WIPF3: variants seen among roughly 807,000 people sequenced by gnomAD.
WIPF3 encodes the protein WAS/WASL interacting protein family member 3.
A neutral mutation model predicts 38.9 loss-of-function variants in WIPF3; 33 were observed. That is an observed-to-expected ratio of 0.85 (90% CI 0.64 to 1.14). The LOEUF is 1.14. WIPF3 is among the 50% of genes most tolerant of loss of function. WIPF3 has a pLI of 0.00. For missense variants in WIPF3, 711 were observed against 652.5 expected, an observed-to-expected ratio of 1.09 and a Z score of -0.98; for synonymous variants, 324 against 269.3, an observed-to-expected ratio of 1.20 and a Z score of -1.99.
At chr7:29,857,903 T>A (rs1223631839) in intron 2 of WIPF3, among the ~76,000 whole-genome samples, 1 of 152,290 alleles carries the variant, frequency 6.6e-6, no homozygotes, top group East Asian at 1.9e-4. Flanking sequence ...ACATTCTGTA[T>A]TTTTTAAAGA....
At chr7:29,896,760 A>C (rs1011144378) in intron 7 of WIPF3, among the ~76,000 whole-genome samples, 1 of 152,270 alleles carries the variant, frequency 6.6e-6, no homozygotes, top group Non-Finnish European at 1.5e-5. Context: ...AACAATAAAA[A>C]GAAAGTGAAC....
At chr7:29,888,830 C>G (rs1327222603) in intron 6 of WIPF3, among the ~76,000 whole-genome samples, 2 of 152,134 alleles carry the variant, frequency 1.3e-5, no homozygotes, top group Non-Finnish European at 2.9e-5. Flanking sequence ...TTGTGGAGCT[C>G]AGGTCCCACC....
intron 5 of WIPF3, 64 bp downstream of exon 5, chr7:29,884,657 G>A: frequency 6.6e-7 from 1 of 1,509,664 alleles, no homozygotes; most frequent in East Asian, 2.4e-5. Flanking sequence ...CGTTGCACAG[G>A]ACTTTATTGT....
chr7:29,807,025 G>C (rs1260747933), intron 1 of WIPF3, among the ~76,000 whole-genome samples: 1 of 151,798 alleles, frequency 6.6e-6, no homozygotes, highest in African/African-American at 2.4e-5. Context: ...CCCTGGCACC[G>C]AGGCCGCCTC....
chr7:29,906,517 A>G (rs1786400487), intron 8 of WIPF3, among the ~76,000 whole-genome samples: 1 of 152,176 alleles, frequency 6.6e-6, no homozygotes, highest in Non-Finnish European at 1.5e-5. Context: ...TTAAAAGTGA[A>G]CAAAGCCTAA....
At chr7:29,814,087 AT>A (rs1442224695) in intron 1 of WIPF3, among the ~76,000 whole-genome samples, 1 of 151,970 alleles carries the variant, frequency 6.6e-6, no homozygotes, top group Non-Finnish European at 1.5e-5. Flanking sequence ...CACCCAGCTA[AT>A]TTTTGTATTT....
chr7:29,883,967 C>A lies in WIPF3; in HGVS notation c.473C>A (p.Ala158Glu), dbSNP rs943086410. 6.5e-7 allele frequency: 1 copy of A among 1,547,236 alleles called. No individual in the cohort carries two copies. Among genetic ancestry groups the A allele is most frequent in the Non-Finnish European group, 8.7e-7 (1 of 1,145,196 alleles). The change falls in exon 5 of 9, where the codon GCG becomes GAG. Residue 158 changes from alanine (A) to glutamate (E), a missense_variant. Ala to Glu is a moderately radical substitution (Grantham distance 107). Transcript: ENST00000242140. ...CCCAGGCTAGGCAATACCTCCGAGG[C>A]GCATGGCGCTGCCAGGACAGCCCCG... ...ASPRLGNTSE[A>E]HGAARTAPPR... is the part of the protein sequence containing the mutation.
chr7:29,844,964 C>T lies in WIPF3; in HGVS notation c.90+10150C>T, dbSNP rs1000767595. Among the ~76,000 whole-genome samples, 1 of 151,982 alleles carries T rather than the reference C, an allele frequency of 6.6e-6. No homozygotes were observed. The highest frequency in any genetic ancestry group is 2.4e-5 in the African/African-American group (1 of 41,382). On this transcript the variant is annotated intron_variant, in intron 2 of 8. Coordinates refer to ENST00000242140, the MANE Select transcript of WIPF3 (RefSeq NM_001080529.3). The surrounding 1 kb of genome is among the most constrained non-coding windows in gnomAD (Gnocchi z 4.8). ...AGCCAGGAAGTCAATGGATTCGGCTCCCCATACCTTGGCCAGAGCTTCCAC... is the reference window on the plus strand; with the variant it reads ...AGCCAGGAAGTCAATGGATTCGGCTTCCCATACCTTGGCCAGAGCTTCCAC...
Position 29,915,432 on chromosome 7 carries a change from AAT to A in WIPF3, c.*919_*920del, listed in dbSNP as rs1786595630. On this transcript the variant is annotated 3_prime_UTR_variant, in exon 9 of 9. Coordinates refer to ENST00000242140, the MANE Select transcript of WIPF3 (RefSeq NM_001080529.3). The stretch of plus-strand genomic sequence containing the variant: ...GCTTCGAGTGTGGACTTCCATGGAA[AAT>A]ATGACATGAAAAAGTGTAGAACGAA... 1 of 152,224 alleles carries A rather than the reference AAT, an allele frequency of 6.6e-6. No individual in the cohort carries two copies. The highest frequency in any genetic ancestry group is 2.4e-5 in the African/African-American group (1 of 41,458). The allele number at this position is 152,224 out of a possible 1,614,324, so 9.4% of individuals were successfully genotyped here.
intron 2 of WIPF3, among the ~76,000 whole-genome samples, chr7:29,848,555 C>T (rs1345006163): frequency 6.6e-6 from 1 of 152,190 alleles, no homozygotes; most frequent in Non-Finnish European, 1.5e-5. Flanking sequence ...GTTGGTCTTT[C>T]TCTACCTGAG....
intron 2 of WIPF3, among the ~76,000 whole-genome samples, chr7:29,872,423 A>T (rs1785510912): frequency 1.3e-5 from 2 of 152,158 alleles, no homozygotes; most frequent in African/African-American, 4.8e-5. Flanking sequence ...AATATACTGT[A>T]TATGGTCGCT....
chr7:29,847,412 A>G (rs1054228949), intron 2 of WIPF3, among the ~76,000 whole-genome samples: 2 of 152,230 alleles, frequency 1.3e-5, no homozygotes, highest in African/African-American at 4.8e-5. Flanking sequence ...TTTGTTAAAA[A>G]TCACTGAAAA....
intron 2 of WIPF3, among the ~76,000 whole-genome samples, chr7:29,854,137 G>A (rs1254352519): frequency 1.3e-5 from 2 of 152,176 alleles, no homozygotes; most frequent in Non-Finnish European, 2.9e-5. Context: ...CAGGAAATAC[G>A]CACTCAGTGA....
intron 1 of WIPF3, among the ~76,000 whole-genome samples, chr7:29,824,147 T>C (rs1336668286): frequency 6.6e-6 from 1 of 151,914 alleles, no homozygotes; most frequent in Non-Finnish European, 1.5e-5. Flanking sequence ...CAGAGACATA[T>C]AAAAGGAAAA....
At chr7:29,825,436 A>G (rs1272360750) in intron 1 of WIPF3, among the ~76,000 whole-genome samples, 1 of 152,242 alleles carries the variant, frequency 6.6e-6, no homozygotes, top group Non-Finnish European at 1.5e-5. Flanking sequence ...TAGAAGTATA[A>G]CTGTTATATA....
chr7:29,855,911 G>T (rs1189406244), intron 2 of WIPF3, among the ~76,000 whole-genome samples: 1 of 152,172 alleles, frequency 6.6e-6, no homozygotes, highest in Admixed American at 6.5e-5. Context: ...TAGTATAAGT[G>T]TGTAGCAAAC....
intron 2 of WIPF3, among the ~76,000 whole-genome samples, chr7:29,839,316 T>C (rs1487486640): frequency 6.6e-6 from 1 of 152,224 alleles, no homozygotes; most frequent in East Asian, 1.9e-4. Flanking sequence ...AATGTCGTGA[T>C]TGATTCAGAC....
chr7:29,860,491 T>C (rs946130321), intron 2 of WIPF3, among the ~76,000 whole-genome samples: 3 of 152,182 alleles, frequency 2.0e-5, no homozygotes, highest in Non-Finnish European at 1.5e-5. Context: ...CCTTCTACCA[T>C]AAGTGGAATC....
intron 8 of WIPF3, among the ~76,000 whole-genome samples, chr7:29,910,349 G>C (rs765355672): frequency 6.6e-6 from 1 of 152,122 alleles, no homozygotes; most frequent in African/African-American, 2.4e-5. Context: ...TCTGCCAAAC[G>C]TTCAAAGAAC....
Sources: gnomAD v4.1 joint callset for allele counts (sites outside exome capture counted in the v4.1 genomes callset) on GRCh38, gnomAD v4.1.1 for gene constraint, Gnocchi (gnomAD v3.1) non-coding constraint, MANE v1.5 for transcripts, NCBI Gene and HGNC (gene_info 2026-07-23, HGNC 2026-07-21) for gene names.